Variants in RGS6 observed in about 807,000 individuals in gnomAD.
The protein encoded by RGS6 is regulator of G-protein signaling 6.
Under a neutral mutation model 78.5 loss-of-function variants are expected in RGS6, and 30 were observed. The observed-to-expected ratio is 0.38, with a 90% CI of 0.29 to 0.52. The LOEUF (loss-of-function observed/expected upper bound fraction) is 0.52, where lower values mean the gene tolerates loss of function less well. Ranked by LOEUF, RGS6 falls within the 20% of genes least tolerant of loss-of-function variation. RGS6 has a pLI of 0.85. For missense variants in RGS6, 495 were observed against 609.7 expected, an observed-to-expected ratio of 0.81 and a Z score of 1.98; for synonymous variants, 206 against 206.0, an observed-to-expected ratio of 1.00 and a Z score of 0.00.
At chr14:72,190,533 A>T (rs932270482) in intron 2 of RGS6, among the ~76,000 whole-genome samples, 6 of 152,194 alleles carry the variant, frequency 3.9e-5, no homozygotes, top group Admixed American at 1.3e-4. Flanking sequence ...CTTCACGGGC[A>T]GTGGAAAGTC....
intron 2 of RGS6, among the ~76,000 whole-genome samples, chr14:72,019,624 C>T (rs60340667): frequency 0.11 from 17,315 of 151,936 alleles, 2,422 homozygotes; most frequent in African/African-American, 0.32. Context: ...AAAGATAATA[C>T]TGTCATGCAT....
At chr14:72,290,810 A>G (rs2063448921) in intron 2 of RGS6, among the ~76,000 whole-genome samples, 1 of 152,216 alleles carries the variant, frequency 6.6e-6, no homozygotes, top group Non-Finnish European at 1.5e-5. Flanking sequence ...CTCACCAGCA[A>G]CACCCTTCAT....
chr14:72,415,440 C>A (rs1008824504), intron 3 of RGS6, among the ~76,000 whole-genome samples: 1 of 152,244 alleles, frequency 6.6e-6, no homozygotes, highest in Non-Finnish European at 1.5e-5. Flanking sequence ...CCGTCTGTCA[C>A]CCCTTTCTTT....
rs375088598 is a variant in RGS6 at position 72,107,243 on chromosome 14, C to CAA, written c.84+142377_84+142378dup. On this transcript the variant is annotated intron_variant, in intron 2 of 17. Transcript: ENST00000553525. ...GAAGGGGACCAATTAAAGAAAAAAA[C>CAA]AAAAAAAAAACATGAACTACTAGGT... Among the ~76,000 whole-genome samples the CAA allele has an allele frequency of 7.4e-3, 1,079 of 145,084 alleles. 36 individuals are homozygous for CAA. Among genetic ancestry groups the CAA allele is most frequent in the Admixed American group, 0.064 (942 of 14,630 alleles).
At chr14:72,615,788 C>T in the RGS6 span, among the ~76,000 whole-genome samples, 2 of 152,256 alleles carry the variant, frequency 1.3e-5, no homozygotes, top group African/African-American at 4.8e-5. Context: ...ATGTCAATCT[C>T]CTAGCAGGAG....
At chr14:72,057,565 A>G (rs1346112389) in intron 2 of RGS6, among the ~76,000 whole-genome samples, 3 of 152,102 alleles carry the variant, frequency 2.0e-5, no homozygotes, top group Admixed American at 2.0e-4. Context: ...GTTTCCCATG[A>G]TGATACTCGC....
intron 3 of RGS6, among the ~76,000 whole-genome samples, chr14:72,450,911 C>T (rs955910509): frequency 6.6e-6 from 1 of 152,158 alleles, no homozygotes; most frequent in Admixed American, 6.5e-5. Flanking sequence ...TTTTAAAGGA[C>T]GCGATATTAT....
At chr14:72,022,347 T>G (rs1479962249) in intron 2 of RGS6, 1 of 152,208 alleles carries the variant, frequency 6.6e-6, no homozygotes, top group African/African-American at 2.4e-5. Context: ...CTCTGAGGAA[T>G]TGCCATACTG....
the RGS6 span, among the ~76,000 whole-genome samples, chr14:72,599,411 T>G: frequency 5.9e-5 from 7 of 119,288 alleles, no homozygotes; most frequent in Non-Finnish European, 8.7e-5. Flanking sequence ...TTTTTTTTTT[T>G]TTTTTTTTTT....
At chr14:72,556,563 T>C (rs2097578369) in intron 17 of RGS6, among the ~76,000 whole-genome samples, 1 of 152,030 alleles carries the variant, frequency 6.6e-6, no homozygotes, top group Admixed American at 6.6e-5. Context: ...GGGAATTGCT[T>C]TCAGAAGACG....
intron 3 of RGS6, among the ~76,000 whole-genome samples, chr14:72,392,170 A>G (rs2090143847): frequency 1.3e-5 from 2 of 148,904 alleles, no homozygotes; most frequent in East Asian, 2.2e-4. Flanking sequence ...AAATATATAT[A>G]TACACATACA....
chr14:72,364,464 C>T (rs191648424), intron 3 of RGS6, among the ~76,000 whole-genome samples: 45 of 152,342 alleles, frequency 3.0e-4, no homozygotes, highest in African/African-American at 1.0e-3. Context: ...TCAGCAGCCT[C>T]CATCAGACTT....
rs1455978754 is a variant in RGS6, at chr14:72,251,195, T to A, written c.85-100900T>A. Among the ~76,000 whole-genome samples the A allele has an allele frequency of 2.0e-5, 3 of 152,306 alleles. No homozygotes were observed. The East Asian group carries it at 5.8e-4, about 29-fold the overall frequency. On this transcript the variant is annotated intron_variant, in intron 2 of 17. Transcript: ENST00000553525. ...GGCAGAACTGCAAAGCAAACGAAGG[T>A]TGTCTTTTTATGCAGATAAAGTTTC...
At chr14:72,011,421 T>C (rs1567014943) in intron 2 of RGS6, among the ~76,000 whole-genome samples, 1 of 152,166 alleles carries the variant, frequency 6.6e-6, no homozygotes, top group African/African-American at 2.4e-5. Flanking sequence ...CTTTCTCTCC[T>C]TACCTGCTCT....
chr14:71,996,270 A>T (rs1399387609), intron 2 of RGS6, among the ~76,000 whole-genome samples: 1 of 151,790 alleles, frequency 6.6e-6, no homozygotes, highest in East Asian at 1.9e-4. Flanking sequence ...AGTGCTGATG[A>T]CTTATTTAGC....
intron 2 of RGS6, among the ~76,000 whole-genome samples, chr14:72,098,877 G>T (rs895037554): frequency 1.3e-5 from 2 of 152,114 alleles, no homozygotes; most frequent in Non-Finnish European, 1.5e-5. Flanking sequence ...TGCTAAGTGC[G>T]TAGAGCCCTA....
chr14:71,988,082 T>A (rs74320974), intron 2 of RGS6, among the ~76,000 whole-genome samples: 4,701 of 152,148 alleles, frequency 0.031, 236 homozygotes, highest in African/African-American at 0.11. Context: ...GGCACACAAG[T>A]GATAGTGTTG....
At chr14:72,621,743 G>C in the RGS6 span, among the ~76,000 whole-genome samples, 15 of 152,176 alleles carry the variant, frequency 9.9e-5, no homozygotes, top group Non-Finnish European at 1.8e-4. Flanking sequence ...TTACAATTGC[G>C]GCATGGAGAA....
chr14:72,548,488 C>T (rs535668220), intron 17 of RGS6, among the ~76,000 whole-genome samples: 1 of 152,104 alleles, frequency 6.6e-6, no homozygotes, highest in South Asian at 2.1e-4. Context: ...TAAGCAAATG[C>T]AGAATGCAGC....
Sources: allele counts gnomAD v4.1 joint callset (sites outside exome capture counted in the v4.1 genomes callset), GRCh38; gene constraint gnomAD v4.1.1; transcripts MANE v1.5; gene names NCBI Gene and HGNC (gene_info 2026-07-23, HGNC 2026-07-21).